Variants in TMC4 observed in about 807,000 individuals in gnomAD.
TMC4 encodes the protein voltage-gated chloride channel TMC4.
In TMC4, 70 loss-of-function variants were observed where a neutral mutation model predicts 82.0. The ratio of observed to expected loss-of-function variants is 0.85; its 90% CI spans 0.70 to 1.04. The LOEUF (loss-of-function observed/expected upper bound fraction) is 1.04, where lower values mean the gene tolerates loss of function less well. Ranked by LOEUF, TMC4 falls within the 50% of genes least tolerant of loss-of-function variation. The pLI, the probability that TMC4 is intolerant of heterozygous loss-of-function variation, is 0.00. For synonymous variants in TMC4, 446 were observed against 406.0 expected (o/e 1.10, Z -1.18); for missense variants, 879 against 899.0 (o/e 0.98, Z 0.28).
At position 54,169,607 on chromosome 19, in the gene TMC4, T is replaced by A; in HGVS notation, c.347A>T (p.Asp116Val). The A allele has an allele frequency of 1.2e-6, 2 of 1,613,980 alleles. No individual in the cohort carries two copies. Among genetic ancestry groups the A allele is most frequent in the Non-Finnish European group, 1.7e-6 (2 of 1,180,016 alleles). The change falls in exon 3 of 15, where the codon GAC becomes GTC. Residue 116 changes from aspartate (D) to valine (V), a missense_variant. Coordinates refer to ENST00000619895, the MANE Select transcript of TMC4 (RefSeq NM_144686.4). ...QVVYGSGTKT[D>V]RWARLLRRSK... ...CCTCCGAAGTAGCCGCGCCCATCGG[T>A]CCGTCTTAGTTCCAGAGCCATAGAC...
At chr19:54,162,473 A>G (rs963631522) in intron 10 of TMC4, among the ~76,000 whole-genome samples, 188 bp from the exon 11 acceptor site, 6 of 150,642 alleles carry the variant, frequency 4.0e-5, no homozygotes, top group African/African-American at 1.5e-4. Flanking sequence ...GAAGGGACCC[A>G]GATGTCGCCG....
intron 11 of TMC4, 146 bp downstream of exon 11, chr19:54,161,956 C>T (rs2075565483): frequency 3.0e-6 from 2 of 669,474 alleles, no homozygotes; most frequent in South Asian, 4.4e-5. Context: ...TAGACCCCTC[C>T]TCTCAGATGC....
chr19:54,165,326 G>T, intron 6 of TMC4, 93 bp downstream of exon 6: 1 of 1,350,802 alleles, frequency 7.4e-7, no homozygotes. Context: ...GCATCTCTCC[G>T]GAGGCCCCAT....
At position 54,161,018 on chromosome 19, in the gene TMC4, C is replaced by G; in HGVS notation, c.1833G>C (p.Lys611Asn). Reference sequence around the variant, plus strand: ...ACTGCCCCCGGAATGGACCACACAGCTTAGAAGGCGGGATCCTGAAGTCAA... The same window carrying G: ...ACTGCCCCCGGAATGGACCACACAGGTTAGAAGGCGGGATCCTGAAGTCAA... Reference protein sequence around the residue: ...LYSIFLIPPSKLCGPFRGQSS... With the variant: ...LYSIFLIPPSNLCGPFRGQSS... The change falls in exon 13 of 15, where the codon AAG (lysine) becomes AAC (asparagine). Residue 611 changes from lysine (K) to asparagine (N), a missense_variant. Coordinates refer to ENST00000619895, the MANE Select transcript of TMC4 (RefSeq NM_144686.4). 1 of 1,614,124 alleles carries G rather than the reference C, an allele frequency of 6.2e-7. No homozygotes were observed. Among genetic ancestry groups the G allele is most frequent in the Non-Finnish European group, 8.5e-7 (1 of 1,180,010 alleles).
chr19:54,170,954 A>G (rs540335381), intron 2 of TMC4, among the ~76,000 whole-genome samples: 1 of 151,896 alleles, frequency 6.6e-6, no homozygotes, highest in East Asian at 1.9e-4. Flanking sequence ...TCGCTATGTT[A>G]CTCAGGCCGC....
intron 5 of TMC4, 103 bp downstream of exon 5, chr19:54,168,068 A>G (rs2075747458): frequency 1.4e-6 from 2 of 1,388,154 alleles, no homozygotes; most frequent in East Asian, 5.0e-5. Context: ...CGTCTCAAAA[A>G]AAAAAAGACT....
intron 2 of TMC4, 124 bp downstream of exon 2, chr19:54,171,746 G>T: frequency 1.2e-6 from 1 of 815,226 alleles, no homozygotes; most frequent in Non-Finnish European, 1.8e-6. Context: ...GCAGCTCTGA[G>T]CGGGGCAGAG....
chr19:54,171,877 C>A lies in TMC4; in HGVS notation c.286G>T (p.Ala96Ser). 1 of 1,600,624 alleles carries A rather than the reference C, an allele frequency of 6.2e-7. No individual in the cohort carries two copies. The highest frequency in any genetic ancestry group is 8.5e-7 in the Non-Finnish European group (1 of 1,172,870). ...CTGGAGGTGGGGCCTCACCTGTGTG[C>A]CCGTCTGGCCTGCATGGGCCAGGGC... ...ELPWPMQARR[A>S]HRQRNASRDQ... Residue 96 changes from alanine to serine, a missense_variant, in exon 2 of 15, where the codon GCA becomes TCA. Physicochemically the swap from Ala to Ser is moderately conservative, Grantham distance 99. Coordinates refer to ENST00000619895, the MANE Select transcript of TMC4 (RefSeq NM_144686.4).
At chr19:54,161,386 T>C in intron 11 of TMC4, 126 bp from the exon 12 acceptor site, 4 of 1,112,466 alleles carry the variant, frequency 3.6e-6, no homozygotes, top group Non-Finnish European at 4.8e-6. Context: ...TGAGACAGAG[T>C]CTCGCTCTGT....
At chr19:54,169,018 TTTTTTC>T (rs1445666132) in intron 3 of TMC4, among the ~76,000 whole-genome samples, 2 of 20,920 alleles carry the variant, frequency 9.6e-5, no homozygotes, top group South Asian at 9.6e-4. Flanking sequence ...ATATTTTTTT[TTTTTTC>T]TTTTCTTTTC....
At chr19:54,171,336 T>C (rs1212465984) in intron 2 of TMC4, among the ~76,000 whole-genome samples, 2 of 152,126 alleles carry the variant, frequency 1.3e-5, no homozygotes, top group Non-Finnish European at 1.5e-5. Context: ...CTCGAACTCC[T>C]GACCACAGGT....
At chr19:54,165,632 C>T in intron 5 of TMC4, 66 bp from the exon 6 acceptor site, 2 of 1,534,138 alleles carry the variant, frequency 1.3e-6, no homozygotes, top group Non-Finnish European at 1.8e-6. Flanking sequence ...ATGGGGAGAC[C>T]CCTCATATTG....
rs539545424 is a variant in TMC4 at position 54,167,560 on chromosome 19, AAAAC to A, written c.797+607_797+610del. On this transcript the variant is annotated intron_variant, in intron 5 of 14. Transcript: ENST00000619895. ...GGCGACAGAGTAAGACTCTGTCTCA[AAAAC>A]AAACAAACAAAACAAATGAAAAACA... 3.0e-3 allele frequency among the ~76,000 whole-genome samples: 448 copies of A among 151,646 alleles called. 2 individuals are homozygous for A. Among genetic ancestry groups the A allele is most frequent in the African/African-American group, 0.01 (424 of 41,360 alleles).
chr19:54,162,305 C>T lies in TMC4; in HGVS notation c.1503-20G>A. 1 of 1,346,694 alleles carries T rather than the reference C, an allele frequency of 7.4e-7. No homozygotes were observed. Among genetic ancestry groups the T allele is most frequent in the Non-Finnish European group, 9.6e-7 (1 of 1,040,746 alleles). The allele number at this position is 1,346,694 out of a possible 1,614,324, so 83.4% of individuals were successfully genotyped here. A position where few individuals can be genotyped will look rare whatever the true frequency, so the allele number is the denominator to read the frequency against. ...AGGAGCCTGAAGGACGGGGCGGGGCCGGGCCGGAGTCAGGGGAGTGGCGGC... is the reference window on the plus strand; with the variant it reads ...AGGAGCCTGAAGGACGGGGCGGGGCTGGGCCGGAGTCAGGGGAGTGGCGGC... On this transcript the variant is annotated intron_variant, in intron 10 of 14. Transcript: ENST00000619895.
In TMC4 at chr19:54,163,843, C is replaced by T; in HGVS notation, c.1158G>A (p.Val386=). The change falls in exon 8 of 15, where the codon GTG becomes GTA. Residue 386 remains valine (V), a synonymous_variant. Transcript: ENST00000619895. ...VQELPLLKLG[V]NYLPSIFIAG... is the part of the protein sequence containing the mutation. ...CGATGAAGATGGACGGAAGGTAATT[C>T]ACCCCAAGCTTCAGCAGTGGCAACT... 6.2e-7 allele frequency: 1 copy of T among 1,614,104 alleles called. No individual in the cohort carries two copies. Among genetic ancestry groups the T allele is most frequent in the Non-Finnish European group, 8.5e-7 (1 of 1,180,022 alleles).
chr19:54,160,499 G>A lies in TMC4; in HGVS notation c.2020C>T (p.Leu674Phe), dbSNP rs747158636. 6 of 1,614,062 alleles carry A rather than the reference G, an allele frequency of 3.7e-6. No individual in the cohort carries two copies. In the Admixed American group the frequency reaches 8.3e-5, roughly 22 times the overall value. ...CTCTGACGTTTGAGCTCAGAGATGAGGCGTCCGTAGGAGTTAGCCAGAGCC... is the reference window on the plus strand; with the variant it reads ...CTCTGACGTTTGAGCTCAGAGATGAAGCGTCCGTAGGAGTTAGCCAGAGCC... Reference protein sequence around the residue: ...TVALANSYGRLISELKRQRET... With the variant: ...TVALANSYGRFISELKRQRET... Residue 674 changes from leucine (L) to phenylalanine (F), a missense_variant, in exon 14 of 15, where the codon CTC (leucine) becomes TTC (phenylalanine). Leu to Phe is a conservative substitution (Grantham distance 22, BLOSUM62 0). Coordinates refer to ENST00000619895, the MANE Select transcript of TMC4 (RefSeq NM_144686.4).
rs1315084497 is a variant in TMC4, at chr19:54,163,033, C to T, written c.1404G>A (p.Pro468=). 5.6e-6 allele frequency: 9 copies of T among 1,614,142 alleles called. No homozygotes were observed. Among genetic ancestry groups the T allele is most frequent in the Non-Finnish European group, 7.6e-6 (9 of 1,180,032 alleles). Reference sequence around the variant, plus strand: ...CCACGCACACCCATGCCGTTCTCACCGGAAGTTGTTTGTAATTGTAGCCAC... The same window carrying T: ...CCACGCACACCCATGCCGTTCTCACTGGAAGTTGTTTGTAATTGTAGCCAC... The part of the protein sequence containing the change: ...KTCGYNYKQL[P]CWETVLGQEM... The change falls in exon 9 of 15, where the codon CCG becomes CCA. Residue 468 remains proline, a splice_region_variant and synonymous_variant. Transcript: ENST00000619895.
rs1199697171 is a variant in TMC4, at chr19:54,165,501, C to A, written c.863G>T (p.Arg288Leu). The change falls in exon 6 of 15, where the codon CGG becomes CTG. Residue 288 changes from arginine to leucine, a missense_variant. By Grantham distance (102) the Arg-to-Leu change is moderately radical (BLOSUM62 -2). Transcript: ENST00000619895. The stretch of plus-strand genomic sequence containing the variant: ...ACCGAAGTCCCAGGCCGAGAACACC[C>A]GGTGGCTGTAGCTGGTCAGAGCCTC... ...ESEALTSYSHRVFSAWDFGLC... is the reference protein window; with the variant it reads ...ESEALTSYSHLVFSAWDFGLC... The A allele has an allele frequency of 6.2e-7, 1 of 1,612,906 alleles. No individual in the cohort carries two copies. Among genetic ancestry groups the A allele is most frequent in the East Asian group, 2.2e-5 (1 of 44,826 alleles).
At chr19:54,168,734 C>T (rs6509847) in intron 3 of TMC4, 54 bp from the exon 4 acceptor site, 26,730 of 676,066 alleles carry the variant, frequency 0.04, 2,446 homozygotes, top group South Asian at 0.1. Context: ...CAGGACCAGC[C>T]CCTCCTACCC....
Sources: gnomAD v4.1 joint callset for allele counts (sites outside exome capture counted in the v4.1 genomes callset) on GRCh38, gnomAD v4.1.1 for gene constraint, MANE v1.5 for transcripts, NCBI Gene and HGNC (gene_info 2026-07-23, HGNC 2026-07-21) for gene names.